COL19A1: variants seen among roughly 807,000 people sequenced by gnomAD.
The protein encoded by COL19A1 is collagen type XIX alpha 1 chain.
In COL19A1, 159 loss-of-function variants were observed where a neutral mutation model predicts 190.2. The observed-to-expected ratio is 0.84, with a 90% CI of 0.73 to 0.95. The LOEUF (loss-of-function observed/expected upper bound fraction) is 0.95, where lower values mean the gene tolerates loss of function less well. Ranked by LOEUF, COL19A1 falls within the 40% of genes least tolerant of loss-of-function variation. The pLI, the probability that COL19A1 is intolerant of heterozygous loss-of-function variation, is 0.00. For missense variants in COL19A1, 1,418 were observed against 1,431.9 expected, an observed-to-expected ratio of 0.99 and a Z score of 0.16; for synonymous variants, 509 against 458.9, an observed-to-expected ratio of 1.11 and a Z score of -1.39.
At chr6:70,071,253 A>G (rs892612679) in intron 15 of COL19A1, among the ~76,000 whole-genome samples, 8 of 76,338 alleles carry the variant, frequency 1.0e-4, no homozygotes, top group African/African-American at 3.8e-4. Context: ...ATTCTGATCA[A>G]TGAATTCTTT....
At chr6:70,001,648 T>A (rs1777271065) in intron 11 of COL19A1, among the ~76,000 whole-genome samples, 1 of 152,204 alleles carries the variant, frequency 6.6e-6, no homozygotes. Context: ...GGGAGTTAAT[T>A]CATGATTTGG....
intron 34 of COL19A1, among the ~76,000 whole-genome samples, chr6:70,160,512 T>G (rs113934130): frequency 2.0e-5 from 3 of 152,304 alleles, no homozygotes; most frequent in African/African-American, 7.2e-5. Flanking sequence ...TTCCCAAGTT[T>G]GGCTTTGTTT....
chr6:70,189,019 G>A (rs1334770203), intron 47 of COL19A1, among the ~76,000 whole-genome samples: 2 of 152,126 alleles, frequency 1.3e-5, no homozygotes, highest in Non-Finnish European at 2.9e-5. Context: ...CTTCACTCTT[G>A]GGGTTGTGTC....
chr6:70,057,712 G>A (rs1240566279), intron 14 of COL19A1, among the ~76,000 whole-genome samples: 1 of 152,048 alleles, frequency 6.6e-6, no homozygotes, highest in African/African-American at 2.4e-5. Context: ...TGTAAGCATA[G>A]CATCTATTTG....
At chr6:70,177,525 A>AT (rs1765891415) in intron 42 of COL19A1, among the ~76,000 whole-genome samples, 1 of 152,230 alleles carries the variant, frequency 6.6e-6, no homozygotes, top group South Asian at 2.1e-4. Context: ...TTCGTAGATG[A>AT]TGACATTCCC....
chr6:70,102,305 T>C (rs1467084340), intron 16 of COL19A1, 83 bp downstream of exon 16: 1 of 1,003,064 alleles, frequency 1.0e-6, no homozygotes, highest in Non-Finnish European at 1.6e-6. Flanking sequence ...TTTACTCCCC[T>C]GTAGATAATG....
chr6:70,086,761 T>C (rs566933575), intron 15 of COL19A1, among the ~76,000 whole-genome samples: 17 of 152,334 alleles, frequency 1.1e-4, no homozygotes, highest in Admixed American at 5.2e-4. Context: ...AGTATAGTAA[T>C]GAATGCGATC....
At position 70,045,541 on chromosome 6, in the gene COL19A1, A is replaced by G. The variant is rs570105653; in HGVS notation, c.1170+9602A>G. 3.1e-3 allele frequency among the ~76,000 whole-genome samples: 476 copies of G among 152,272 alleles called. 3 individuals are homozygous for G. The highest frequency in any genetic ancestry group is 0.011 in the African/African-American group (455 of 41,550). On this transcript the variant is annotated intron_variant, in intron 14 of 50. Coordinates refer to ENST00000620364, the MANE Select transcript of COL19A1 (RefSeq NM_001858.6). ...TAATATATTTTTAAGGCAGGCAGTT[A>G]AATTGGCTTGACTCGCATAGCAAAC...
rs1287778348 is a variant in COL19A1 at position 69,900,325 on chromosome 6, A to C, written c.253A>C (p.Ile85Leu). Residue 85 changes from isoleucine (I) to leucine (L), a missense_variant, in exon 4 of 51, where the codon ATT (isoleucine) becomes CTT (leucine). Transcript: ENST00000620364. Reference protein sequence around the residue: ...TCFKLGSALLIRDTIKIFPKG... With the variant: ...TCFKLGSALLLRDTIKIFPKG... ...TTTCAAATTGGGAAGTGCACTTCTT[A>C]TTAGAGACACTATGTAAGTAAAAAA... The C allele has an allele frequency of 6.4e-7, 1 of 1,560,960 alleles. No homozygotes were observed.
intron 14 of COL19A1, among the ~76,000 whole-genome samples, chr6:70,054,407 C>T (rs760768021): frequency 6.6e-5 from 10 of 152,040 alleles, no homozygotes; most frequent in Non-Finnish European, 1.0e-4. Context: ...TTTTTGTCAT[C>T]CAAATTATTA....
At chr6:69,965,315 A>T (rs531244669) in intron 11 of COL19A1, among the ~76,000 whole-genome samples, 1 of 152,342 alleles carries the variant, frequency 6.6e-6, no homozygotes, top group East Asian at 1.9e-4. Flanking sequence ...AGTTACGGTC[A>T]AAATATAAAA....
intron 14 of COL19A1, among the ~76,000 whole-genome samples, chr6:70,060,228 A>G (rs1582807447): frequency 1.3e-5 from 2 of 152,198 alleles, no homozygotes. Context: ...AAAAATGATT[A>G]TATAAAGAGC....
At chr6:70,004,053 G>A (rs1445760176) in intron 11 of COL19A1, among the ~76,000 whole-genome samples, 1 of 152,150 alleles carries the variant, frequency 6.6e-6, no homozygotes, top group African/African-American at 2.4e-5. Flanking sequence ...AGGAGCTCTT[G>A]CAAGGCAGAC....
At chr6:70,051,472 C>G (rs547514344) in intron 14 of COL19A1, among the ~76,000 whole-genome samples, 2 of 152,160 alleles carry the variant, frequency 1.3e-5, no homozygotes, top group East Asian at 3.9e-4. Context: ...AGAAACAACC[C>G]AGGTAGGTGC....
At chr6:70,069,511 C>A (rs1047818470) in intron 15 of COL19A1, among the ~76,000 whole-genome samples, 4 of 152,108 alleles carry the variant, frequency 2.6e-5, no homozygotes, top group African/African-American at 4.8e-5. Context: ...TCAGAAAACA[C>A]TCATTGGCTT....
chr6:70,156,154 G>A lies in COL19A1; in HGVS notation c.2107G>A (p.Val703Ile). ...KNFCGNCQAS[V>I]PGLKSNKGEE... The stretch of plus-strand genomic sequence containing the variant: ...TTTCTGTGGCAACTGCCAAGCCAGT[G>A]TCCCAGGGCTGAAAAGCAACAAAGG... Residue 703 changes from valine to isoleucine, a missense_variant, in exon 32 of 51, where the codon GTC becomes ATC. Coordinates refer to ENST00000620364, the MANE Select transcript of COL19A1 (RefSeq NM_001858.6). 6.2e-7 allele frequency: 1 copy of A among 1,613,150 alleles called. No individual in the cohort carries two copies. Among genetic ancestry groups the A allele is most frequent in the Non-Finnish European group, 8.5e-7 (1 of 1,179,526 alleles).
intron 11 of COL19A1, among the ~76,000 whole-genome samples, chr6:70,002,809 T>G (rs117158803): frequency 0.014 from 2,070 of 150,926 alleles, 43 homozygotes; most frequent in East Asian, 0.07. Context: ...TGTTGGTTTT[T>G]TTTTTTTTTT....
At position 70,212,110 on chromosome 6, in the gene COL19A1, A is replaced by G. The variant is rs564321244; in HGVS notation, c.*4836A>G. Among the ~76,000 whole-genome samples the G allele has an allele frequency of 4.6e-5, 7 of 152,206 alleles. No homozygotes were observed. The highest frequency in any genetic ancestry group is 1.0e-4 in the Non-Finnish European group (7 of 68,032). ...ACTAAGCTTCTGGGTGTAAGTAAAGATGCTGGCTATTTTACAACTTTTTAT... is the reference window on the plus strand; with the variant it reads ...ACTAAGCTTCTGGGTGTAAGTAAAGGTGCTGGCTATTTTACAACTTTTTAT... On this transcript the variant is annotated 3_prime_UTR_variant, in exon 51 of 51. Transcript: ENST00000620364.
At chr6:70,091,658 G>A (rs1885339) in intron 15 of COL19A1, among the ~76,000 whole-genome samples, 95,917 of 152,014 alleles carry the variant, frequency 0.63, 30,568 homozygotes, top group South Asian at 0.71. Flanking sequence ...AGATGTAGCA[G>A]GAATGAGGGG....
Sources: gnomAD v4.1 joint callset for allele counts (sites outside exome capture counted in the v4.1 genomes callset) on GRCh38, gnomAD v4.1.1 for gene constraint, MANE v1.5 for transcripts, NCBI Gene and HGNC (gene_info 2026-07-23, HGNC 2026-07-21) for gene names.